ANXA10: variants seen among roughly 807,000 people sequenced by gnomAD.
The protein encoded by ANXA10 is annexin 14.
In ANXA10, 49 loss-of-function variants were observed where a neutral mutation model predicts 53.5. That is an observed-to-expected ratio of 0.92 (90% CI 0.73 to 1.16). ANXA10 has a LOEUF of 1.16. ANXA10 is among the 50% of genes most tolerant of loss of function. The probability of loss-of-function intolerance (pLI) is 0.00; values close to 1 mark genes in which losing one functional copy is unlikely to be tolerated. For synonymous variants in ANXA10, 131 were observed against 128.9 expected, an observed-to-expected ratio of 1.02 and a Z score of -0.11; for missense variants, 393 against 394.4, an observed-to-expected ratio of 1.00 and a Z score of 0.03.
At chr4:168,155,548 AAATATATAATTATAT>A (rs1560783404) in intron 3 of ANXA10, among the ~76,000 whole-genome samples, 2 of 35,356 alleles carry the variant, frequency 5.7e-5, no homozygotes, top group African/African-American at 1.6e-4. Flanking sequence ...ATATATTATA[AAATATATAATTATAT>A]AATATATAAT....
chr4:168,138,703 T>C (rs372343201), intron 2 of ANXA10, among the ~76,000 whole-genome samples: 28 of 152,350 alleles, frequency 1.8e-4, no homozygotes, highest in African/African-American at 6.5e-4. Context: ...ATTTTAGTGA[T>C]ATTTATTCTT....
chr4:168,177,674 C>T (rs72691192), intron 6 of ANXA10, 66 bp from the exon 7 acceptor site: 1 of 1,488,960 alleles, frequency 6.7e-7, no homozygotes, highest in Non-Finnish European at 9.4e-7. Flanking sequence ...GGATTTCAGT[C>T]TCACTAATCC....
chr4:168,171,947 C>T (rs145499815), intron 6 of ANXA10, among the ~76,000 whole-genome samples: 34 of 152,178 alleles, frequency 2.2e-4, no homozygotes, highest in Non-Finnish European at 3.4e-4. Flanking sequence ...ATGACAGTTT[C>T]TTGAACCCGT....
chr4:168,096,719 T>G (rs989945908), intron 1 of ANXA10, among the ~76,000 whole-genome samples: 3 of 151,604 alleles, frequency 2.0e-5, no homozygotes, highest in African/African-American at 7.3e-5. Flanking sequence ...CTCTTGAGAA[T>G]TGTTTGGCAT....
intron 6 of ANXA10, among the ~76,000 whole-genome samples, chr4:168,175,128 A>G (rs1430261215): frequency 6.6e-6 from 1 of 152,202 alleles, no homozygotes; most frequent in Non-Finnish European, 1.5e-5. Context: ...AAGAGAAACC[A>G]GTTCACAAGA....
At chr4:168,114,530 CTTTTA>C (rs1730860213) in intron 1 of ANXA10, among the ~76,000 whole-genome samples, 2 of 152,102 alleles carry the variant, frequency 1.3e-5, no homozygotes, top group African/African-American at 2.4e-5. Context: ...ATTTTTAAAA[CTTTTA>C]TTTTAAGTAC....
chr4:168,141,852 G>A (rs1276675196), intron 3 of ANXA10, among the ~76,000 whole-genome samples: 1 of 151,914 alleles, frequency 6.6e-6, no homozygotes, highest in Non-Finnish European at 1.5e-5. Context: ...TGCTTCTGCC[G>A]TAAGCCCTTG....
chr4:168,120,740 C>CT, intron 1 of ANXA10, among the ~76,000 whole-genome samples: 1 of 152,098 alleles, frequency 6.6e-6, no homozygotes, highest in Non-Finnish European at 1.5e-5. Flanking sequence ...GATATAATGA[C>CT]TTAATGTTAA....
intron 3 of ANXA10, among the ~76,000 whole-genome samples, chr4:168,141,055 A>G (rs921629628): frequency 6.6e-6 from 1 of 152,228 alleles, no homozygotes; most frequent in Non-Finnish European, 1.5e-5. Context: ...AGCAGATTAA[A>G]ACAATTTTAA....
At chr4:168,167,267 T>C (rs961926945) in intron 6 of ANXA10, among the ~76,000 whole-genome samples, 2 of 152,144 alleles carry the variant, frequency 1.3e-5, no homozygotes, top group African/African-American at 4.8e-5. Flanking sequence ...ATGGTACCTT[T>C]CTACTTTATG....
At chr4:168,098,797 A>G (rs1730594505) in intron 1 of ANXA10, among the ~76,000 whole-genome samples, 2 of 138,672 alleles carry the variant, frequency 1.4e-5, no homozygotes, top group African/African-American at 5.5e-5. Context: ...AAGGAACCAG[A>G]AAAAAAAAAA....
chr4:168,092,640 G>A lies in ANXA10; in HGVS notation c.-61G>A, dbSNP rs990433050. The A allele has an allele frequency of 1.2e-5, 18 of 1,511,740 alleles. No homozygotes were observed. Among genetic ancestry groups the A allele is most frequent in the Admixed American group, 5.6e-5 (3 of 53,626 alleles). 93.6% of individuals were successfully genotyped at this position (1,511,740 alleles called of 1,614,324 possible). A position where few individuals can be genotyped will look rare whatever the true frequency, so the allele number is the denominator to read the frequency against. On this transcript the variant is annotated 5_prime_UTR_variant, in exon 1 of 12. Coordinates refer to ENST00000359299, the MANE Select transcript of ANXA10 (RefSeq NM_007193.5). ...CCTTAATTCTTTCTGGCTTCACAGT[G>A]AAACAAGTTTATGCAATCGATCAAA...
intron 6 of ANXA10, among the ~76,000 whole-genome samples, chr4:168,166,601 AGAATTTTGGTTTGGTTT>A (rs1261223447): frequency 6.6e-6 from 1 of 151,332 alleles, no homozygotes; most frequent in African/African-American, 2.4e-5. Flanking sequence ...CTTAAAAGCC[AGAATTTTGGTTTGGTTT>A]GGTTTTGTGT....
chr4:168,164,296 A>G lies in ANXA10; in HGVS notation c.400+8A>G. The G allele has an allele frequency of 6.3e-7, 1 of 1,582,180 alleles. No individual in the cohort carries two copies. Among genetic ancestry groups the G allele is most frequent in the Non-Finnish European group, 8.7e-7 (1 of 1,151,740 alleles). On this transcript the variant is annotated splice_region_variant and intron_variant, in intron 5 of 11. Coordinates refer to ENST00000359299, the MANE Select transcript of ANXA10 (RefSeq NM_007193.5). ...GAGAAGCCTACTGCTTGCGTAAGGA[A>G]ATATACATATGTGAATATATTTTAC...
intron 3 of ANXA10, among the ~76,000 whole-genome samples, chr4:168,141,030 A>G (rs1297586864): frequency 6.6e-6 from 1 of 152,242 alleles, no homozygotes; most frequent in African/African-American, 2.4e-5. Flanking sequence ...ATCAAGCTCT[A>G]CAAAACTATG....
At chr4:168,140,607 A>T (rs1731308891) in intron 3 of ANXA10, among the ~76,000 whole-genome samples, 1 of 149,996 alleles carries the variant, frequency 6.7e-6, no homozygotes, top group Non-Finnish European at 1.5e-5. Context: ...GCATAGTGCT[A>T]TAAGAAATGT....
intron 2 of ANXA10, among the ~76,000 whole-genome samples, chr4:168,132,119 C>T (rs767521394): frequency 1.3e-5 from 2 of 152,034 alleles, no homozygotes; most frequent in Non-Finnish European, 2.9e-5. Context: ...AGAAAATCCA[C>T]TGCTGGGTAT....
At chr4:168,115,169 C>T (rs937393089) in intron 1 of ANXA10, among the ~76,000 whole-genome samples, 4 of 152,126 alleles carry the variant, frequency 2.6e-5, no homozygotes, top group African/African-American at 9.7e-5. Flanking sequence ...AGACATGAGT[C>T]ACTGTGCCCA....
intron 9 of ANXA10, 115 bp downstream of exon 9, chr4:168,179,427 G>T: frequency 1.4e-6 from 1 of 722,482 alleles, no homozygotes. Flanking sequence ...ATTTTCCCTT[G>T]AATTTAATTT....
Sources: gnomAD v4.1 joint callset for allele counts (sites outside exome capture counted in the v4.1 genomes callset) on GRCh38, gnomAD v4.1.1 for gene constraint, MANE v1.5 for transcripts, NCBI Gene and HGNC (gene_info 2026-07-23, HGNC 2026-07-21) for gene names.